Variants in AQR observed in about 807,000 individuals in gnomAD.
The protein encoded by AQR is aquarius intron-binding spliceosomal factor.
In AQR, 61 loss-of-function variants were observed where a neutral mutation model predicts 180.5. That is an observed-to-expected ratio of 0.34 (90% confidence interval 0.28 to 0.42). The LOEUF is 0.42. Among genes scored for constraint, AQR ranks in the 10% least tolerant of loss-of-function variants. AQR has a pLI of 1.00. For synonymous variants in AQR, 551 were observed against 588.8 expected, an observed-to-expected ratio of 0.94 and a Z score of 0.93; for missense variants, 1,281 against 1,798.3, an observed-to-expected ratio of 0.71 and a Z score of 5.20.
At chr15:34,907,790 C>G (rs1893441091) in intron 17 of AQR, among the ~76,000 whole-genome samples, 1 of 152,202 alleles carries the variant, frequency 6.6e-6, no homozygotes, top group African/African-American at 2.4e-5. Context: ...ATTAAAACTT[C>G]TAAGTCTTAC....
chr15:34,943,051 C>G lies in AQR; in HGVS notation c.472-971G>C, dbSNP rs749064023. ...TTTAGTTTAATAAATGTTAAAGAGGCTTTCTGTGCCGATAACGCTCACGCA... is the reference window on the plus strand; with the variant it reads ...TTTAGTTTAATAAATGTTAAAGAGGGTTTCTGTGCCGATAACGCTCACGCA... On this transcript the variant is annotated intron_variant, in intron 6 of 34. Coordinates refer to ENST00000156471, the MANE Select transcript of AQR (RefSeq NM_014691.3). 1.1e-5 allele frequency: 18 copies of G among 1,602,826 alleles called. No homozygotes were observed. In the East Asian group the frequency reaches 4.0e-4, roughly 36 times the overall value.
chr15:34,947,374 G>T (rs973093787), intron 5 of AQR, among the ~76,000 whole-genome samples: 69 of 150,374 alleles, frequency 4.6e-4, no homozygotes, highest in Middle Eastern at 3.4e-3. Context: ...CAAACACTGC[G>T]GAAGGCCACA....
intron 14 of AQR, among the ~76,000 whole-genome samples, chr15:34,919,787 A>G (rs1292609304): frequency 1.3e-5 from 2 of 152,088 alleles, no homozygotes; most frequent in Non-Finnish European, 2.9e-5. Context: ...AATACCAGCT[A>G]CTCGGGAAGA....
intron 13 of AQR, among the ~76,000 whole-genome samples, chr15:34,921,867 G>A (rs1033779019): frequency 6.6e-6 from 1 of 152,128 alleles, no homozygotes; most frequent in Non-Finnish European, 1.5e-5. Context: ...CTGGAGTGCA[G>A]TGGCATGATC....
intron 16 of AQR, among the ~76,000 whole-genome samples, chr15:34,912,341 T>G (rs1344426897): frequency 8.7e-6 from 1 of 115,268 alleles, no homozygotes; most frequent in African/African-American, 2.5e-5. Flanking sequence ...CTAGTGGTCA[T>G]AAACTCTCTC....
intron 1 of AQR, among the ~76,000 whole-genome samples, chr15:34,967,288 T>C (rs2050314847): frequency 6.6e-6 from 1 of 152,202 alleles, no homozygotes; most frequent in South Asian, 2.1e-4. Flanking sequence ...ATTCAGGTGT[T>C]AGCTCAAATG....
intron 5 of AQR, among the ~76,000 whole-genome samples, chr15:34,946,536 G>A (rs1410596108): frequency 9.8e-5 from 14 of 143,358 alleles, no homozygotes; most frequent in Admixed American, 2.0e-4. Context: ...AGGTGAGGGG[G>A]TCAGCCCCCC....
At chr15:34,876,030 TAA>T in intron 27 of AQR, 24 bp from the exon 28 acceptor site, 1 of 1,576,752 alleles carries the variant, frequency 6.3e-7, no homozygotes, top group Non-Finnish European at 8.7e-7. Context: ...AATCTTGTCA[TAA>T]AGACAGCTTA....
chr15:34,914,462 C>G (rs900888602), intron 16 of AQR, among the ~76,000 whole-genome samples: 9 of 152,004 alleles, frequency 5.9e-5, no homozygotes, highest in Non-Finnish European at 1.3e-4. Context: ...CTCAACTGGC[C>G]CTAAAAGTAA....
Position 34,969,617 on chromosome 15 carries a change from A to C in AQR, c.-4T>G. 6.2e-7 allele frequency: 1 copy of C among 1,612,950 alleles called. No homozygotes were observed. Among genetic ancestry groups the C allele is most frequent in the Non-Finnish European group, 8.5e-7 (1 of 1,179,976 alleles). The stretch of plus-strand genomic sequence containing the variant: ...TGGGCTGCGCAGGGGCTGCCATGGC[A>C]GCACTCTTCCCTCCACTCCAGTGGA... On this transcript the variant is annotated 5_prime_UTR_variant, in exon 1 of 35. Coordinates refer to ENST00000156471, the MANE Select transcript of AQR (RefSeq NM_014691.3).
In AQR at chr15:34,863,645, T is replaced by C. The variant is rs991990507; in HGVS notation, c.3855-604A>G. Among the ~76,000 whole-genome samples the C allele has an allele frequency of 3.9e-5, 6 of 152,188 alleles. No individual in the cohort carries two copies. The East Asian group carries it at 9.6e-4, about 24-fold the overall frequency. On this transcript the variant is annotated intron_variant, in intron 32 of 34. Transcript: ENST00000156471. ...GTATTTAGATTCAATGCCTGGCCTA[T>C]AATAGGTACTCAATGTTCATATCAA...
At chr15:34,964,536 C>G in intron 1 of AQR, 1 of 585,754 alleles carries the variant, frequency 1.7e-6, no homozygotes. Flanking sequence ...AAAATCCTCT[C>G]CAACCACCCT....
Position 34,911,607 on chromosome 15 carries a change from G to A in AQR, c.1485-1294C>T, listed in dbSNP as rs1385673242. 2.6e-5 allele frequency among the ~76,000 whole-genome samples: 4 copies of A among 151,988 alleles called. No individual in the cohort carries two copies. In the East Asian group the frequency reaches 7.7e-4, roughly 29 times the overall value. ...ATGTCTTCCTACAAAAAATAGTATT[G>A]AAGTCCTTCACCCATTTTTTATTGG... is the stretch of plus-strand genomic sequence containing the variant. On this transcript the variant is annotated intron_variant, in intron 16 of 34. Transcript: ENST00000156471.
chr15:34,898,389 G>A (rs374270925), intron 20 of AQR, among the ~76,000 whole-genome samples: 1 of 152,142 alleles, frequency 6.6e-6, no homozygotes, highest in East Asian at 1.9e-4. Flanking sequence ...TAACACCAAA[G>A]AATGCTAAGA....
intron 16 of AQR, among the ~76,000 whole-genome samples, chr15:34,913,449 C>T (rs147397867): frequency 0.014 from 2,085 of 152,114 alleles, 28 homozygotes; most frequent in Admixed American, 0.022. Context: ...TAGGTTTCGA[C>T]ATTTTTAATA....
intron 25 of AQR, 109 bp downstream of exon 25, chr15:34,886,417 A>G: frequency 1.8e-6 from 2 of 1,142,446 alleles, no homozygotes; most frequent in Non-Finnish European, 2.4e-6. Context: ...ATACATTCTA[A>G]TCTACTCAAA....
chr15:34,869,234 C>T (rs1892780831), intron 31 of AQR: 1 of 152,086 alleles, frequency 6.6e-6, no homozygotes, highest in Non-Finnish European at 1.5e-5. Context: ...ATCATTGTAG[C>T]TTTAATTTCT....
chr15:34,875,536 A>T (rs1892877742), intron 28 of AQR, among the ~76,000 whole-genome samples: 1 of 152,194 alleles, frequency 6.6e-6, no homozygotes, highest in African/African-American at 2.4e-5. Flanking sequence ...AGCACAATTT[A>T]GCTCAAAAAC....
chr15:34,930,818 CTTTTTTTTTTTTTTTTT>C (rs77229498), intron 11 of AQR, among the ~76,000 whole-genome samples: 2 of 84,762 alleles, frequency 2.4e-5, no homozygotes, highest in East Asian at 3.5e-4. Context: ...TACGCCACTT[CTTTTTTTTTTTTTTTTT>C]TTTTTTTTTT....
Sources: gnomAD v4.1 joint callset for allele counts (sites outside exome capture counted in the v4.1 genomes callset) on GRCh38, gnomAD v4.1.1 for gene constraint, MANE v1.5 for transcripts, NCBI Gene and HGNC (gene_info 2026-07-23, HGNC 2026-07-21) for gene names.